PPP1CC: variants seen among roughly 807,000 people sequenced by gnomAD.
PPP1CC encodes the protein protein phosphatase 1 catalytic subunit gamma, also known as serine/threonine-protein phosphatase PP1-gamma catalytic subunit.
A neutral mutation model predicts 38.4 loss-of-function variants in PPP1CC; 16 were observed. The observed-to-expected ratio is 0.42, with a 90% CI of 0.28 to 0.63. PPP1CC has a LOEUF of 0.63. Ranked by LOEUF, PPP1CC falls within the 30% of genes least tolerant of loss-of-function variation. The pLI is 0.25. For synonymous variants in PPP1CC, 158 were observed against 136.0 expected, an observed-to-expected ratio of 1.16 and a Z score of -1.13; for missense variants, 170 against 391.3, an observed-to-expected ratio of 0.43 and a Z score of 4.77.
At chr12:110,710,968 G>T in the PPP1CC span, among the ~76,000 whole-genome samples, 1 of 151,806 alleles carries the variant, frequency 6.6e-6, no homozygotes, top group Non-Finnish European at 1.5e-5. Flanking sequence ...TTGAAGCCAG[G>T]AGTTCGAGAC....
chr12:110,726,935 T>C (rs74474670), intron 3 of PPP1CC, among the ~76,000 whole-genome samples: 3,118 of 152,304 alleles, frequency 0.02, 114 homozygotes, highest in African/African-American at 0.07. Flanking sequence ...CAAGGTCAGC[T>C]TCACTTCTGG....
downstream of PPP1CC, among the ~76,000 whole-genome samples, chr12:110,717,702 C>T (rs561997034): frequency 5.9e-5 from 9 of 152,244 alleles, no homozygotes; most frequent in African/African-American, 2.2e-4. Flanking sequence ...GGCCTCAAAC[C>T]CACTTTCTGG....
chr12:110,715,041 A>G (rs2069677630), downstream of PPP1CC, among the ~76,000 whole-genome samples: 1 of 151,928 alleles, frequency 6.6e-6, no homozygotes, highest in Admixed American at 6.6e-5. Context: ...CTGTCCAAGA[A>G]TATAACGACC....
At chr12:110,712,667 G>C in the PPP1CC span, among the ~76,000 whole-genome samples, 2 of 73,012 alleles carry the variant, frequency 2.7e-5, 1 homozygote, top group South Asian at 7.5e-4. Flanking sequence ...AAAAAAAAAA[G>C]GGGGGGCACT....
chr12:110,709,391 A>C, the PPP1CC span, among the ~76,000 whole-genome samples: 2 of 150,854 alleles, frequency 1.3e-5, no homozygotes, highest in Non-Finnish European at 3.0e-5. Flanking sequence ...ACCATGCCTG[A>C]CTAATTTTTT....
rs1435561329 is a variant in PPP1CC at position 110,742,773 on chromosome 12, C to T, written c.-66G>A. ...CGGCTCGCGCCCGGGACTCACACCT[C>T]CTTTCCCACGCCACGAGCAGAGGCG... On this transcript the variant is annotated 5_prime_UTR_variant, in exon 1 of 7. Coordinates refer to ENST00000335007, the MANE Select transcript of PPP1CC (RefSeq NM_002710.4). 2 of 1,264,100 alleles carry T rather than the reference C, an allele frequency of 1.6e-6. No individual in the cohort carries two copies. The highest frequency in any genetic ancestry group is 2.0e-6 in the Non-Finnish European group (2 of 976,616). The allele number at this position is 1,264,100 out of a possible 1,614,324, so 78.3% of individuals were successfully genotyped here.
the PPP1CC span, among the ~76,000 whole-genome samples, chr12:110,714,034 G>A: frequency 2.0e-5 from 3 of 152,124 alleles, no homozygotes; most frequent in African/African-American, 7.2e-5. Flanking sequence ...GGGAGGTGGA[G>A]GTTGCAGTGA....
intron 1 of PPP1CC, among the ~76,000 whole-genome samples, chr12:110,738,023 C>A (rs972638098): frequency 1.6e-4 from 25 of 152,076 alleles, no homozygotes; most frequent in Admixed American, 1.6e-3. Flanking sequence ...TTCTACACCT[C>A]GAGTAAAGCC....
intron 3 of PPP1CC, among the ~76,000 whole-genome samples, chr12:110,727,706 G>T (rs2069816344): frequency 6.6e-6 from 1 of 151,466 alleles, no homozygotes; most frequent in Non-Finnish European, 1.5e-5. Context: ...ATCAACATTT[G>T]AATACAACTT....
Position 110,722,189 on chromosome 12 carries a change from A to G in PPP1CC, c.828T>C (p.Phe276=). 1 of 1,614,220 alleles carries G rather than the reference A, an allele frequency of 6.2e-7. No individual in the cohort carries two copies. The highest frequency in any genetic ancestry group is 8.5e-7 in the Non-Finnish European group (1 of 1,180,018). ...LFSAPNYCGE[F]DNAGAMMSVD... ...CACTCATCATGGCACCTGCATTGTC[A>G]AACTCTCCGCAATAATTGGGCGCAG... The change falls in exon 6 of 7, where the codon TTT becomes TTC. Residue 276 remains phenylalanine (F), a synonymous_variant. Coordinates refer to ENST00000335007, the MANE Select transcript of PPP1CC (RefSeq NM_002710.4). The surrounding 1 kb of genome is among the most constrained non-coding windows in gnomAD (Gnocchi z 5.4).
At chr12:110,713,421 C>T in the PPP1CC span, among the ~76,000 whole-genome samples, 10 of 152,298 alleles carry the variant, frequency 6.6e-5, no homozygotes, top group African/African-American at 2.4e-4. Flanking sequence ...GCGTGAGCCA[C>T]CGTGCCTGGC....
intron 1 of PPP1CC, among the ~76,000 whole-genome samples, chr12:110,735,836 G>T (rs191905836): frequency 6.6e-6 from 1 of 151,650 alleles, no homozygotes; most frequent in Non-Finnish European, 1.5e-5. Flanking sequence ...AGTCCGAAGC[G>T]GGCGGATCAC....
intron 1 of PPP1CC, among the ~76,000 whole-genome samples, chr12:110,734,492 C>T (rs569623942): frequency 3.9e-5 from 6 of 152,228 alleles, no homozygotes; most frequent in East Asian, 1.9e-4. Context: ...TACAGGCATG[C>T]GCCACCACAT....
chr12:110,738,136 T>TCGGGCGGA (rs1421109987), intron 1 of PPP1CC, among the ~76,000 whole-genome samples: 1 of 152,228 alleles, frequency 6.6e-6, no homozygotes, highest in Non-Finnish European at 1.5e-5. Flanking sequence ...AGCTTTACTG[T>TCGGGCGGA]CGGTGATGAC....
chr12:110,741,568 TC>T (rs2070017713), intron 1 of PPP1CC, among the ~76,000 whole-genome samples: 1 of 152,156 alleles, frequency 6.6e-6, no homozygotes, highest in Non-Finnish European at 1.5e-5. Flanking sequence ...CTCTCCCACA[TC>T]AACATGAATC....
Position 110,730,779 on chromosome 12 carries a change from T to C in PPP1CC, c.188-20A>G, listed in dbSNP as rs1412503920. 1 of 1,532,838 alleles carries C rather than the reference T, an allele frequency of 6.5e-7. No homozygotes were observed. The highest frequency in any genetic ancestry group is 8.9e-7 in the Non-Finnish European group (1 of 1,118,144). The allele number at this position is 1,532,838 out of a possible 1,614,324, so 95.0% of individuals were successfully genotyped here. A position where few individuals can be genotyped will look rare whatever the true frequency, so the allele number is the denominator to read the frequency against. On this transcript the variant is annotated intron_variant, in intron 2 of 6. Transcript: ENST00000335007. ...TGTCACCTGGAAGCAAGAATTTTGTTACACAGTGTTCCCATACTTAAAGCT... is the reference window on the plus strand; with the variant it reads ...TGTCACCTGGAAGCAAGAATTTTGTCACACAGTGTTCCCATACTTAAAGCT...
intron 4 of PPP1CC, among the ~76,000 whole-genome samples, chr12:110,723,175 G>T (rs936443931): frequency 2.6e-4 from 40 of 152,282 alleles, no homozygotes; most frequent in Non-Finnish European, 4.0e-4. Flanking sequence ...GATGCATATT[G>T]TAAGAGTTAA....
At chr12:110,737,145 T>A (rs2069952648) in intron 1 of PPP1CC, among the ~76,000 whole-genome samples, 1 of 152,190 alleles carries the variant, frequency 6.6e-6, no homozygotes, top group Admixed American at 6.6e-5. Context: ...AACGACTGAG[T>A]TCTTTTCTGC....
intron 1 of PPP1CC, among the ~76,000 whole-genome samples, chr12:110,738,637 G>A (rs2069975509): frequency 6.6e-6 from 1 of 152,174 alleles, no homozygotes; most frequent in Non-Finnish European, 1.5e-5. Context: ...GGCTACAACT[G>A]CATGTCCATT....
Sources: gnomAD v4.1 joint callset for allele counts (sites outside exome capture counted in the v4.1 genomes callset) on GRCh38, gnomAD v4.1.1 for gene constraint, Gnocchi (gnomAD v3.1) non-coding constraint, MANE v1.5 for transcripts, NCBI Gene and HGNC (gene_info 2026-07-23, HGNC 2026-07-21) for gene names.